MTMR7: variants seen among roughly 807,000 people sequenced by gnomAD.
MTMR7 encodes myotubularin related protein 7, also known as phosphatidylinositol-3-phosphate phosphatase MTMR7.
Under a neutral mutation model 81.2 loss-of-function variants are expected in MTMR7, and 76 were observed. The ratio of observed to expected loss-of-function variants is 0.94; its 90% CI spans 0.78 to 1.13. MTMR7 has a LOEUF of 1.13. Ranked by LOEUF, MTMR7 falls within the 50% of genes most tolerant of loss-of-function variation. The pLI, the probability that MTMR7 is intolerant of heterozygous loss-of-function variation, is 0.00. For missense variants in MTMR7, 1,044 were observed against 820.0 expected, an observed-to-expected ratio of 1.27 and a Z score of -3.34; for synonymous variants, 372 against 289.8, an observed-to-expected ratio of 1.28 and a Z score of -2.88.
At chr8:17,409,395 G>A (rs2150589553) in intron 1 of MTMR7, among the ~76,000 whole-genome samples, 1 of 150,706 alleles carries the variant, frequency 6.6e-6, no homozygotes, top group Non-Finnish European at 1.5e-5. Context: ...AGGAGATGGA[G>A]TCAAGTTTCA....
intron 6 of MTMR7, among the ~76,000 whole-genome samples, chr8:17,336,700 G>A (rs758659613): frequency 1.3e-4 from 20 of 152,306 alleles, no homozygotes; most frequent in Admixed American, 3.3e-4. Flanking sequence ...CAGGCGTCAC[G>A]GAGGCAAGCG....
chr8:17,306,070 T>C, intron 10 of MTMR7, 113 bp from the exon 11 acceptor site: 1 of 837,002 alleles, frequency 1.2e-6, no homozygotes, highest in South Asian at 2.0e-5. Context: ...AATCTTATCT[T>C]ACAAACTTGG....
chr8:17,406,848 A>G (rs7816168), intron 1 of MTMR7, among the ~76,000 whole-genome samples: 6,972 of 152,248 alleles, frequency 0.046, 440 homozygotes, highest in East Asian at 0.34. Flanking sequence ...ATTAAGTGAA[A>G]AGAAGAGGTC....
chr8:17,384,542 T>C (rs759065124), intron 1 of MTMR7, among the ~76,000 whole-genome samples: 1 of 152,176 alleles, frequency 6.6e-6, no homozygotes, highest in African/African-American at 2.4e-5. Flanking sequence ...CAATAGAGTA[T>C]GCAAAAAATA....
chr8:17,359,994 G>C (rs927393169), intron 4 of MTMR7, among the ~76,000 whole-genome samples: 3 of 152,112 alleles, frequency 2.0e-5, no homozygotes, highest in African/African-American at 4.8e-5. Flanking sequence ...ATAGTTACCA[G>C]GATGTTCTCC....
intron 3 of MTMR7, among the ~76,000 whole-genome samples, chr8:17,362,109 G>A (rs972860257): frequency 2.0e-5 from 3 of 151,838 alleles, no homozygotes; most frequent in Non-Finnish European, 4.4e-5. Context: ...TATAATGTGA[G>A]CTATGTATGT....
intron 7 of MTMR7, among the ~76,000 whole-genome samples, chr8:17,323,310 C>A (rs1473236734): frequency 6.6e-6 from 1 of 152,000 alleles, no homozygotes; most frequent in Non-Finnish European, 1.5e-5. Flanking sequence ...AGCAAATACA[C>A]TGGGGTCGAA....
At chr8:17,394,037 G>C (rs1363608637) in intron 1 of MTMR7, among the ~76,000 whole-genome samples, 2 of 151,902 alleles carry the variant, frequency 1.3e-5, no homozygotes. Context: ...CTATAATCAA[G>C]AGATAACAAC....
In MTMR7 at chr8:17,341,372, G is replaced by A. The variant is rs999954643; in HGVS notation, c.723C>T (p.Thr241=). ...PGSDFVYVVD[T]RPKLNAMANR... ...CAACGGTGACACTTACTTTAGGCCG[G>A]GTGTCAACGACATAAACGAAGTCAC... Residue 241 remains threonine, a synonymous_variant, in exon 6 of 14, where the codon ACC becomes ACT. Transcript: ENST00000180173. The A allele has an allele frequency of 3.1e-6, 5 of 1,613,954 alleles. No homozygotes were observed. The highest frequency in any genetic ancestry group is 2.5e-6 in the Non-Finnish European group (3 of 1,179,962).
chr8:17,364,828 TAA>T (rs1283730687), intron 3 of MTMR7, among the ~76,000 whole-genome samples: 1 of 152,270 alleles, frequency 6.6e-6, no homozygotes, highest in African/African-American at 2.4e-5. Flanking sequence ...GATGGATACT[TAA>T]GTTGATTCCA....
At chr8:17,342,421 G>A (rs1819431968) in intron 5 of MTMR7, among the ~76,000 whole-genome samples, 1 of 152,212 alleles carries the variant, frequency 6.6e-6, no homozygotes, top group South Asian at 2.1e-4. Context: ...GGAGGGGAAA[G>A]TTTCACTGCA....
At chr8:17,309,610 C>T (rs1029177669) in intron 9 of MTMR7, among the ~76,000 whole-genome samples, 4 of 152,156 alleles carry the variant, frequency 2.6e-5, no homozygotes, top group South Asian at 2.1e-4. Context: ...CATTGCTTTA[C>T]GTATGATCTC....
At chr8:17,407,025 A>C (rs933007329) in intron 1 of MTMR7, among the ~76,000 whole-genome samples, 1 of 152,122 alleles carries the variant, frequency 6.6e-6, no homozygotes, top group Non-Finnish European at 1.5e-5. Flanking sequence ...AATGTTCTGA[A>C]ATTAGATAAT....
At chr8:17,400,956 G>A (rs1821409012) in intron 1 of MTMR7, among the ~76,000 whole-genome samples, 1 of 152,130 alleles carries the variant, frequency 6.6e-6, no homozygotes, top group African/African-American at 2.4e-5. Flanking sequence ...GTTGAAGTCT[G>A]GTGGTCTTGC....
chr8:17,388,454 A>T (rs1229535632), intron 1 of MTMR7, among the ~76,000 whole-genome samples: 1 of 152,248 alleles, frequency 6.6e-6, no homozygotes, highest in African/African-American at 2.4e-5. Flanking sequence ...GTTCAAAACA[A>T]TAAAGTCATT....
intron 7 of MTMR7, among the ~76,000 whole-genome samples, chr8:17,320,292 G>A (rs1049424652): frequency 2.0e-5 from 3 of 152,124 alleles, no homozygotes; most frequent in African/African-American, 7.2e-5. Context: ...CTGATCAAAA[G>A]TCTTCAAACA....
At chr8:17,316,198 T>TGGTACAGTTTG (rs1818058598) in intron 7 of MTMR7, among the ~76,000 whole-genome samples, 1 of 152,124 alleles carries the variant, frequency 6.6e-6, no homozygotes, top group Non-Finnish European at 1.5e-5. Flanking sequence ...ATGGTAATAA[T>TGGTACAGTTTG]AGCCTCTGTA....
chr8:17,359,696 G>C (rs1020646455), intron 4 of MTMR7, among the ~76,000 whole-genome samples: 3 of 151,722 alleles, frequency 2.0e-5, no homozygotes, highest in East Asian at 1.9e-4. Flanking sequence ...AATACAAATG[G>C]TCAATCAATA....
rs1332616090 is a variant in MTMR7, at chr8:17,299,729, C to G, written c.*133G>C. The G allele has an allele frequency of 1.5e-6, 2 of 1,302,224 alleles. No homozygotes were observed. The highest frequency in any genetic ancestry group is 3.1e-5 in the South Asian group (2 of 65,536). The allele number at this position is 1,302,224 out of a possible 1,614,324, so 80.7% of individuals were successfully genotyped here. A position where few individuals can be genotyped will look rare whatever the true frequency, so the allele number is the denominator to read the frequency against. On this transcript the variant is annotated 3_prime_UTR_variant, in exon 14 of 14. Transcript: ENST00000180173. ...AAATCAAGAACTGGGCACTTTTTTC[C>G]CTTTTCATAGCTGCATTAAAGTAGT...
Sources: allele counts gnomAD v4.1 joint callset (sites outside exome capture counted in the v4.1 genomes callset), GRCh38; gene constraint gnomAD v4.1.1; transcripts MANE v1.5; gene names NCBI Gene and HGNC (gene_info 2026-07-23, HGNC 2026-07-21).